The following KIAA1549L variants were observed in gnomAD, a reference collection of about 807,000 sequenced individuals.
KIAA1549L encodes the protein KIAA1549 like, also known as UPF0606 protein KIAA1549L.
Under a neutral mutation model 160.7 loss-of-function variants are expected in KIAA1549L, and 88 were observed. The observed-to-expected ratio is 0.55, with a 90% CI of 0.46 to 0.65. KIAA1549L has a LOEUF of 0.65. KIAA1549L is among the 30% of genes least tolerant of loss of function. KIAA1549L has a pLI of 0.00. For missense variants in KIAA1549L, 2,258 were observed against 2,437.5 expected (o/e 0.93, Z 1.55); for synonymous variants, 950 against 976.7 (o/e 0.97, Z 0.51).
chr11:33,557,516 A>G (rs950198308), intron 6 of KIAA1549L, among the ~76,000 whole-genome samples: 4 of 152,202 alleles, frequency 2.6e-5, no homozygotes, highest in Non-Finnish European at 5.9e-5. Flanking sequence ...AAATACTTCC[A>G]TAGAAGAGAG....
chr11:33,407,573 T>G (rs1452440452), intron 1 of KIAA1549L, among the ~76,000 whole-genome samples: 1 of 152,292 alleles, frequency 6.6e-6, no homozygotes, highest in East Asian at 1.9e-4. Flanking sequence ...GGTTTCAAAC[T>G]TGTGACCTCA....
intron 1 of KIAA1549L, among the ~76,000 whole-genome samples, chr11:33,490,620 G>A (rs1852635630): frequency 1.3e-5 from 2 of 152,210 alleles, no homozygotes; most frequent in South Asian, 2.1e-4. Flanking sequence ...CTTCTAATTA[G>A]CCAGCTTTTT....
intron 8 of KIAA1549L, among the ~76,000 whole-genome samples, chr11:33,566,451 C>T (rs1230808596): frequency 1.3e-5 from 2 of 152,192 alleles, no homozygotes; most frequent in Non-Finnish European, 2.9e-5. Flanking sequence ...TCCAGGGGTC[C>T]TCTGGGACCT....
At chr11:33,650,347 A>T (rs1851849457) in intron 17 of KIAA1549L, among the ~76,000 whole-genome samples, 1 of 152,248 alleles carries the variant, frequency 6.6e-6, no homozygotes, top group South Asian at 2.1e-4. Context: ...GGAAGGTGGG[A>T]GAGGAAGGCT....
At chr11:33,655,930 T>C in intron 17 of KIAA1549L, 82 bp from the exon 18 acceptor site, 1 of 923,578 alleles carries the variant, frequency 1.1e-6, no homozygotes, top group Non-Finnish European at 1.8e-6. Flanking sequence ...GAAGTTTGCT[T>C]CCTCCTCAAA....
chr11:33,612,609 T>C (rs115107804), intron 15 of KIAA1549L, among the ~76,000 whole-genome samples: 5,166 of 152,062 alleles, frequency 0.034, 301 homozygotes, highest in African/African-American at 0.12. Flanking sequence ...GTTTTTTTTT[T>C]TTTTCTTTTC....
chr11:33,530,433 AAAAATATATATATATAT>A (rs1440007714), intron 1 of KIAA1549L, among the ~76,000 whole-genome samples: 243 of 9,682 alleles, frequency 0.025, 13 homozygotes, highest in Non-Finnish European at 0.036. Context: ...AAAAAAAAAA[AAAAATATATATATATAT>A]ATATATATAT....
intron 12 of KIAA1549L, among the ~76,000 whole-genome samples, chr11:33,594,956 T>C (rs1850160078): frequency 6.6e-6 from 1 of 152,240 alleles, no homozygotes; most frequent in Non-Finnish European, 1.5e-5. Context: ...TAGAGGACAC[T>C]GAAAATAAAT....
In KIAA1549L at chr11:33,543,074, T is replaced by A. The variant is rs370205351; in HGVS notation, c.1511T>A (p.Ile504Lys). The A allele has an allele frequency of 1.9e-6, 3 of 1,613,904 alleles. No homozygotes were observed. The South Asian group carries it at 3.3e-5, about 18-fold the overall frequency. Residue 504 changes from isoleucine (I) to lysine (K), a missense_variant, in exon 2 of 21, where the codon ATA becomes AAA. By Grantham distance (102) the Ile-to-Lys change is moderately radical (BLOSUM62 -3). Around this residue, in one of 6 missense-constraint regions of KIAA1549L, gnomAD observed 540 missense variants for 465.7 expected, o/e 1.16. Transcript: ENST00000658780. Reference protein sequence around the residue: ...PSTGTADFPSILTFLQPTENH... With the variant: ...PSTGTADFPSKLTFLQPTENH... ...ACTGGGACAGCCGACTTTCCCTCCA[T>A]ACTTACTTTCCTCCAGCCCACAGAG...
In KIAA1549L at chr11:33,435,840, A is replaced by ATG. The variant is rs1565136098; in HGVS notation, c.238+58952_238+58953insGT. 4.7e-4 allele frequency among the ~76,000 whole-genome samples: 30 copies of ATG among 64,200 alleles called. 7 individuals are homozygous for ATG. The highest frequency in any genetic ancestry group is 2.7e-3 in the African/African-American group (30 of 11,170). The allele number at this position is 64,200 out of a possible 152,430, so 42.1% of individuals were successfully genotyped here. On this transcript the variant is annotated intron_variant, in intron 1 of 20. Coordinates refer to ENST00000658780, the MANE Select transcript of KIAA1549L (RefSeq NM_012194.3). ...TGTGTATATATATATATGTATATGT[A>ATG]TATGTGTGTGTGTGTGTGTGTGTAT...
At chr11:33,518,090 G>A (rs1853391726) in intron 1 of KIAA1549L, among the ~76,000 whole-genome samples, 2 of 121,442 alleles carry the variant, frequency 1.6e-5, no homozygotes, top group Admixed American at 1.2e-4. Context: ...AGTGAGCTGA[G>A]ATTACACCAT....
At chr11:33,418,647 AT>A (rs1850935629) in intron 1 of KIAA1549L, among the ~76,000 whole-genome samples, 1 of 152,160 alleles carries the variant, frequency 6.6e-6, no homozygotes, top group Non-Finnish European at 1.5e-5. Context: ...CCTAGGATTC[AT>A]TGCAAACCAT....
Position 33,530,427 on chromosome 11 carries a change from AAAAAAAAAAATATATATAT to A in KIAA1549L, c.239-11373_239-11355del, listed in dbSNP as rs1437832559. Among the ~76,000 whole-genome samples, 206 of 44,088 alleles carry A rather than the reference AAAAAAAAAAATATATATAT, an allele frequency of 4.7e-3. 8 individuals carry two copies. The highest frequency in any genetic ancestry group is 7.5e-3 in the Non-Finnish European group (146 of 19,568). 28.9% of individuals were successfully genotyped at this position (44,088 alleles called of 152,430 possible). Reference sequence around the variant, plus strand: ...AAGAAGAAGAAGGAAAAAAAAAAAAAAAAAAAAAAATATATATATATATATATATATATATATATATATA... The same window carrying A: ...AAGAAGAAGAAGGAAAAAAAAAAAAAATATATATATATATATATATATATA... On this transcript the variant is annotated intron_variant, in intron 1 of 20. Transcript: ENST00000658780.
chr11:33,613,630 G>A (rs1850704347), intron 15 of KIAA1549L, among the ~76,000 whole-genome samples: 1 of 152,082 alleles, frequency 6.6e-6, no homozygotes, highest in Admixed American at 6.5e-5. Flanking sequence ...ACCAACCCAT[G>A]AGGGATCCAC....
intron 1 of KIAA1549L, among the ~76,000 whole-genome samples, chr11:33,532,997 C>T (rs1424648647): frequency 6.6e-6 from 1 of 152,254 alleles, no homozygotes; most frequent in East Asian, 1.9e-4. Flanking sequence ...CAATCCAGGG[C>T]AGCATTGAAC....
chr11:33,657,369 C>T (rs1852100559), intron 18 of KIAA1549L, among the ~76,000 whole-genome samples: 1 of 152,158 alleles, frequency 6.6e-6, no homozygotes, highest in African/African-American at 2.4e-5. Flanking sequence ...CCCTCCACGC[C>T]ATTTGCTATC....
chr11:33,537,287 C>T (rs1417123843), intron 1 of KIAA1549L, among the ~76,000 whole-genome samples: 1 of 152,158 alleles, frequency 6.6e-6, no homozygotes, highest in African/African-American at 2.4e-5. Context: ...ATGGATCTTT[C>T]ATCTGTAACA....
At chr11:33,475,724 G>C (rs1039762090) in intron 1 of KIAA1549L, among the ~76,000 whole-genome samples, 1 of 151,868 alleles carries the variant, frequency 6.6e-6, no homozygotes, top group South Asian at 2.1e-4. Flanking sequence ...GCTAGACGTG[G>C]TGCACATCTA....
intron 1 of KIAA1549L, among the ~76,000 whole-genome samples, chr11:33,481,424 A>G (rs1852409522): frequency 6.6e-6 from 1 of 152,238 alleles, no homozygotes; most frequent in Non-Finnish European, 1.5e-5. Flanking sequence ...TACAAATTAG[A>G]TAGTTTTAAT....
Sources: allele counts gnomAD v4.1 joint callset (sites outside exome capture counted in the v4.1 genomes callset), GRCh38; gene constraint gnomAD v4.1.1; regional missense constraint gnomAD v4.1.1; transcripts MANE v1.5; gene names NCBI Gene and HGNC (gene_info 2026-07-23, HGNC 2026-07-21).